NFATC2: variants seen among roughly 807,000 people sequenced by gnomAD.
NFATC2 encodes the protein nuclear factor of activated T-cells, cytoplasmic 2.
A neutral mutation model predicts 87.3 loss-of-function variants in NFATC2; 22 were observed. The observed-to-expected ratio is 0.25, with a 90% CI of 0.18 to 0.36. The LOEUF is 0.36. Among genes scored for constraint, NFATC2 ranks in the 10% least tolerant of loss-of-function variants. The probability of loss-of-function intolerance (pLI) is 1.00; values close to 1 mark genes in which losing one functional copy is unlikely to be tolerated. For missense variants in NFATC2, 1,149 were observed against 1,259.1 expected (o/e 0.91, Z 1.32); for synonymous variants, 565 against 542.2 (o/e 1.04, Z -0.58).
At chr20:51,527,284 C>T (rs1475013335) in intron 1 of NFATC2, among the ~76,000 whole-genome samples, 1 of 152,130 alleles carries the variant, frequency 6.6e-6, no homozygotes, top group African/African-American at 2.4e-5. Context: ...CAGCTCCTCC[C>T]CTACCCACTG....
At chr20:51,446,738 G>T (rs188466808) in intron 6 of NFATC2, among the ~76,000 whole-genome samples, 99 of 152,352 alleles carry the variant, frequency 6.5e-4, no homozygotes, top group Non-Finnish European at 1.1e-3. Flanking sequence ...CTCCACGGCA[G>T]CTTCGGAGTT....
intron 1 of NFATC2, 115 bp downstream of exon 1, chr20:51,542,255 C>A: frequency 7.6e-7 from 1 of 1,315,138 alleles, no homozygotes; most frequent in East Asian, 2.9e-5. Flanking sequence ...GGGCACCCTC[C>A]CTCCAGGCCC....
intron 6 of NFATC2, among the ~76,000 whole-genome samples, chr20:51,436,077 G>A (rs1271755436): frequency 2.0e-5 from 3 of 152,084 alleles, no homozygotes; most frequent in African/African-American, 7.2e-5. Context: ...ACATGAAGAT[G>A]GGAACAGCAG....
At chr20:51,539,370 T>C (rs1009518950) in intron 1 of NFATC2, among the ~76,000 whole-genome samples, 2 of 152,136 alleles carry the variant, frequency 1.3e-5, no homozygotes, top group Non-Finnish European at 2.9e-5. Flanking sequence ...AGTCCCACCA[T>C]ACAGAAGCAA....
chr20:51,400,392 A>G (rs559437069), intron 9 of NFATC2, among the ~76,000 whole-genome samples: 11 of 149,314 alleles, frequency 7.4e-5, no homozygotes, highest in African/African-American at 2.7e-4. Context: ...GGTTCTTCAG[A>G]CCATCCACCC....
At chr20:51,408,427 TCCCATGAA>T (rs1978669143) in intron 9 of NFATC2, among the ~76,000 whole-genome samples, 1 of 142,582 alleles carries the variant, frequency 7.0e-6, no homozygotes, top group Non-Finnish European at 1.5e-5. Context: ...GGCAGGAGAA[TCCCATGAA>T]CCCAGGAGGC....
chr20:51,549,328 A>G (rs1216572067), intron 1 of NFATC2, among the ~76,000 whole-genome samples: 1 of 152,140 alleles, frequency 6.6e-6, no homozygotes, highest in Admixed American at 6.5e-5. Flanking sequence ...GCTGGAGTGC[A>G]ACGGTGCAAT....
intron 9 of NFATC2, among the ~76,000 whole-genome samples, chr20:51,417,751 A>T (rs1284645626): frequency 6.6e-6 from 1 of 152,156 alleles, no homozygotes; most frequent in African/African-American, 2.4e-5. Flanking sequence ...AGCACCTACC[A>T]CCAAGCCCAG....
At chr20:51,546,073 A>G (rs917569796), upstream of NFATC2, among the ~76,000 whole-genome samples, 3 of 152,188 alleles carry the variant, frequency 2.0e-5, no homozygotes, top group Admixed American at 6.5e-5. Flanking sequence ...CAGATACCCA[A>G]TGATAAAATG....
intron 6 of NFATC2, among the ~76,000 whole-genome samples, chr20:51,445,059 G>A (rs1984879416): frequency 6.6e-6 from 1 of 152,010 alleles, no homozygotes; most frequent in African/African-American, 2.4e-5. Flanking sequence ...CAAGTCCACT[G>A]TTCATACAGG....
intron 1 of NFATC2, among the ~76,000 whole-genome samples, chr20:51,560,116 G>A (rs1181713773): frequency 6.6e-6 from 1 of 152,182 alleles, no homozygotes; most frequent in African/African-American, 2.4e-5. Flanking sequence ...AATATAACAG[G>A]ATTTGTAGCT....
upstream of NFATC2, among the ~76,000 whole-genome samples, chr20:51,543,052 T>C (rs2076851958): frequency 6.6e-6 from 1 of 152,176 alleles, no homozygotes; most frequent in Admixed American, 6.5e-5. Context: ...TTTCCTGCTT[T>C]TCTTCTCCAT....
chr20:51,431,028 G>A (rs1283204278), intron 9 of NFATC2, among the ~76,000 whole-genome samples: 1 of 152,168 alleles, frequency 6.6e-6, no homozygotes, highest in East Asian at 1.9e-4. Flanking sequence ...AATGTAAACA[G>A]TGTCATGGGC....
chr20:51,562,426 G>C lies in NFATC2; in HGVS notation c.70+134C>G, dbSNP rs2869427. On this transcript the variant is annotated intron_variant, in intron 1 of 10. Coordinates refer to the NFATC2 transcript ENST00000414705. The surrounding 1 kb of genome is among the most constrained non-coding windows in gnomAD (Gnocchi z 5.8). ...CCGCGGGCCCCGCTACCTGTGCGCCGAGGGCGAGCGGGGTCCCCAGGCCTC... is the reference window on the plus strand; with the variant it reads ...CCGCGGGCCCCGCTACCTGTGCGCCCAGGGCGAGCGGGGTCCCCAGGCCTC... The C allele has an allele frequency of 0.25, 188,777 of 753,826 alleles. 25,426 individuals are homozygous for C. Among genetic ancestry groups the C allele is most frequent in the Non-Finnish European group, 0.28 (134,176 of 475,952 alleles). 46.7% of individuals were successfully genotyped at this position (753,826 alleles called of 1,614,324 possible). A position where few individuals can be genotyped will look rare whatever the true frequency, so the allele number is the denominator to read the frequency against.
chr20:51,482,096 C>G (rs1436722788), intron 3 of NFATC2, among the ~76,000 whole-genome samples: 1 of 152,054 alleles, frequency 6.6e-6, no homozygotes, highest in African/African-American at 2.4e-5. Context: ...ATTCCTGATT[C>G]AGAAAAAGGC....
intron 10 of NFATC2, among the ~76,000 whole-genome samples, chr20:51,397,696 C>G (rs962626912): frequency 2.0e-5 from 3 of 152,134 alleles, no homozygotes; most frequent in Admixed American, 1.3e-4. Context: ...TGCTCCTCCC[C>G]CCAGGGCTTC....
At chr20:51,398,897 TTAACCCAACACTAGGGTAA>T in intron 9 of NFATC2, 167 bp from the exon 10 acceptor site, 1 of 606,858 alleles carries the variant, frequency 1.6e-6, no homozygotes, top group South Asian at 2.0e-5. Flanking sequence ...TGTGCCAGAA[TTAACCCAACACTAGGGTAA>T]TAATCATGGA....
upstream of NFATC2, among the ~76,000 whole-genome samples, chr20:51,545,714 T>G (rs577485541): frequency 2.0e-5 from 3 of 151,240 alleles, no homozygotes; most frequent in Non-Finnish European, 4.4e-5. Context: ...GGTGGATGGA[T>G]GGATAGGGGA....
intron 3 of NFATC2, among the ~76,000 whole-genome samples, chr20:51,507,456 G>A (rs1290488798): frequency 6.6e-6 from 1 of 152,190 alleles, no homozygotes; most frequent in Non-Finnish European, 1.5e-5. Flanking sequence ...GAGCTCAAAA[G>A]TGATCTATGT....
Sources: allele counts gnomAD v4.1 joint callset (sites outside exome capture counted in the v4.1 genomes callset), GRCh38; gene constraint gnomAD v4.1.1; non-coding constraint Gnocchi (gnomAD v3.1); transcripts MANE v1.5; gene names NCBI Gene and HGNC (gene_info 2026-07-23, HGNC 2026-07-21).